The following VPS13B variants were observed in gnomAD, a reference collection of about 807,000 sequenced individuals.
VPS13B encodes vacuolar protein sorting 13 homolog B, also known as intermembrane lipid transfer protein VPS13B.
VPS13B carries 285 observed loss-of-function variants against 426.4 expected under a neutral mutation model. That is an observed-to-expected ratio of 0.67 (90% CI 0.61 to 0.74). The LOEUF (loss-of-function observed/expected upper bound fraction) is 0.74. Among genes scored for constraint, VPS13B ranks in the 30% least tolerant of loss-of-function variants. VPS13B has a pLI of 0.00. For synonymous variants in VPS13B, 1,676 were observed against 1,676.4 expected, an observed-to-expected ratio of 1.00 and a Z score of 0.01; for missense variants, 4,537 against 4,782.6, an observed-to-expected ratio of 0.95 and a Z score of 1.51.
chr8:99,550,807 AGT>A (rs1338499104), intron 30 of VPS13B, among the ~76,000 whole-genome samples: 5 of 152,042 alleles, frequency 3.3e-5, no homozygotes, highest in Non-Finnish European at 7.4e-5. Flanking sequence ...CTCATTTAGA[AGT>A]GTGTTTTAAA....
At chr8:99,454,571 A>G (rs906556711) in intron 23 of VPS13B, among the ~76,000 whole-genome samples, 1 of 152,150 alleles carries the variant, frequency 6.6e-6, no homozygotes, top group Non-Finnish European at 1.5e-5. Flanking sequence ...AGTGTTGGCA[A>G]TTTTAAATAA....
chr8:99,491,870 C>T (rs1820620804), intron 25 of VPS13B, among the ~76,000 whole-genome samples: 1 of 152,174 alleles, frequency 6.6e-6, no homozygotes, highest in African/African-American at 2.4e-5. Flanking sequence ...TCTGTCAATT[C>T]GTCAAAGTCA....
At chr8:99,741,952 G>A (rs1809752301) in intron 39 of VPS13B, among the ~76,000 whole-genome samples, 1 of 152,150 alleles carries the variant, frequency 6.6e-6, no homozygotes, top group Non-Finnish European at 1.5e-5. Flanking sequence ...AAAGCTAGCA[G>A]AAGGCAAGAA....
chr8:99,873,571 T>C (rs1167378196), intron 61 of VPS13B, among the ~76,000 whole-genome samples: 1 of 152,166 alleles, frequency 6.6e-6, no homozygotes, highest in African/African-American at 2.4e-5. Context: ...GATGGGCCAG[T>C]GTGCCTTCAG....
chr8:99,325,667 A>C (rs1466345007), intron 19 of VPS13B, among the ~76,000 whole-genome samples: 1 of 152,176 alleles, frequency 6.6e-6, no homozygotes, highest in Non-Finnish European at 1.5e-5. Flanking sequence ...TAGTTCCCTT[A>C]ACATTATTTT....
intron 58 of VPS13B, among the ~76,000 whole-genome samples, chr8:99,864,647 TA>T (rs1305274969): frequency 2.0e-5 from 3 of 152,240 alleles, no homozygotes; most frequent in Admixed American, 6.5e-5. Context: ...ACAGAAACGT[TA>T]AGGACCCAGT....
At chr8:99,380,278 A>G (rs1813720597) in intron 19 of VPS13B, among the ~76,000 whole-genome samples, 1 of 152,172 alleles carries the variant, frequency 6.6e-6, no homozygotes, top group Non-Finnish European at 1.5e-5. Context: ...TGTATAAGTG[A>G]TACTTGGGAA....
chr8:99,196,796 T>C (rs1347365477), intron 17 of VPS13B, among the ~76,000 whole-genome samples: 5 of 152,206 alleles, frequency 3.3e-5, no homozygotes, highest in Non-Finnish European at 7.4e-5. Flanking sequence ...AACTTCTTTT[T>C]TTTCTATTAC....
chr8:99,520,389 T>TTGTGTGTGTGTG (rs140216567), intron 29 of VPS13B, among the ~76,000 whole-genome samples: 6 of 138,494 alleles, frequency 4.3e-5, no homozygotes, highest in South Asian at 2.4e-4. Context: ...GTGATATACT[T>TTGTGTGTGTGTG]TGTGTGTGTG....
intron 34 of VPS13B, among the ~76,000 whole-genome samples, chr8:99,651,021 C>G (rs1022554831): frequency 6.6e-6 from 1 of 151,984 alleles, no homozygotes; most frequent in African/African-American, 2.4e-5. Flanking sequence ...TATAAATAGG[C>G]TATAATGCAA....
chr8:99,415,234 C>T (rs749860488), intron 21 of VPS13B, among the ~76,000 whole-genome samples: 30 of 151,856 alleles, frequency 2.0e-4, no homozygotes, highest in South Asian at 6.3e-4. Flanking sequence ...TCAAAGTTCT[C>T]GTGCTGTGTT....
intron 29 of VPS13B, 89 bp downstream of exon 29, chr8:99,511,601 A>G: frequency 7.5e-7 from 1 of 1,337,632 alleles, no homozygotes; most frequent in Non-Finnish European, 1.0e-6. Flanking sequence ...CTTTTAAAAA[A>G]TATGAGCAGT....
At chr8:99,312,833 A>C (rs966009753) in intron 19 of VPS13B, among the ~76,000 whole-genome samples, 1 of 152,198 alleles carries the variant, frequency 6.6e-6, no homozygotes, top group Non-Finnish European at 1.5e-5. Context: ...GTCTTTTCAC[A>C]TAGTCCCATA....
intron 7 of VPS13B, chr8:99,120,162 G>A (rs1847869648): frequency 6.6e-6 from 1 of 151,988 alleles, no homozygotes; most frequent in South Asian, 2.1e-4. Flanking sequence ...CAAAGTGCTG[G>A]GATTACAGGT....
At chr8:99,168,194 A>G (rs1365370777) in intron 15 of VPS13B, among the ~76,000 whole-genome samples, 1 of 152,084 alleles carries the variant, frequency 6.6e-6, no homozygotes, top group Non-Finnish European at 1.5e-5. Context: ...TTTTATTGTA[A>G]TTTTCACCTG....
At chr8:99,708,849 C>CTCTATATA (rs201729748) in intron 36 of VPS13B, among the ~76,000 whole-genome samples, 1,718 of 147,316 alleles carry the variant, frequency 0.012, 11 homozygotes, top group Admixed American at 0.021. Flanking sequence ...CTCTCTCTCT[C>CTCTATATA]TATATATATA....
intron 3 of VPS13B, among the ~76,000 whole-genome samples, chr8:99,086,535 C>T (rs1208754126): frequency 6.6e-6 from 1 of 152,180 alleles, no homozygotes; most frequent in Non-Finnish European, 1.5e-5. Flanking sequence ...GAGAGGTGCT[C>T]TGATTTTTAG....
chr8:99,463,412 A>G (rs764318529), intron 23 of VPS13B, among the ~76,000 whole-genome samples: 4 of 152,214 alleles, frequency 2.6e-5, no homozygotes, highest in African/African-American at 4.8e-5. Flanking sequence ...TTTGAAATCA[A>G]TTATCTCTTA....
chr8:99,311,276 A>G (rs1052575845), intron 19 of VPS13B, among the ~76,000 whole-genome samples: 1 of 152,096 alleles, frequency 6.6e-6, no homozygotes, highest in Admixed American at 6.5e-5. Context: ...TGTTGATTTT[A>G]GATCTTTCCT....
Sources: gnomAD v4.1 joint callset for allele counts (sites outside exome capture counted in the v4.1 genomes callset) on GRCh38, gnomAD v4.1.1 for gene constraint, MANE v1.5 for transcripts, NCBI Gene and HGNC (gene_info 2026-07-23, HGNC 2026-07-21) for gene names.